SPAG9: variants seen among roughly 807,000 people sequenced by gnomAD.
SPAG9 encodes C-Jun-amino-terminal kinase-interacting protein 4.
SPAG9 carries 35 observed loss-of-function variants against 166.5 expected under a neutral mutation model. That is an observed-to-expected ratio of 0.21 (90% CI 0.16 to 0.28). The LOEUF (loss-of-function observed/expected upper bound fraction) is 0.28, where lower values mean the gene tolerates loss of function less well. Among genes scored for constraint, SPAG9 ranks in the 10% least tolerant of loss-of-function variants. The pLI is 1.00. For missense variants in SPAG9, 1,235 were observed against 1,603.3 expected (o/e 0.77, Z 3.92); for synonymous variants, 534 against 565.5 (o/e 0.94, Z 0.79).
chr17:51,071,113 T>C (rs986740995), intron 2 of SPAG9, among the ~76,000 whole-genome samples: 22 of 152,030 alleles, frequency 1.4e-4, no homozygotes, highest in African/African-American at 5.1e-4. Flanking sequence ...AAGGACCATA[T>C]CATACTCTTG....
At chr17:51,110,293 A>C (rs17573054) in intron 1 of SPAG9, among the ~76,000 whole-genome samples, 10,061 of 152,052 alleles carry the variant, frequency 0.066, 466 homozygotes, top group Non-Finnish European at 0.1. Context: ...ACAAATGACA[A>C]ATGTACTTTC....
At chr17:51,015,205 G>A (rs988351630) in intron 8 of SPAG9, among the ~76,000 whole-genome samples, 1 of 152,160 alleles carries the variant, frequency 6.6e-6, no homozygotes, top group Admixed American at 6.5e-5. Context: ...AGAGAAAGCT[G>A]AAACCTAAGC....
intron 3 of SPAG9, among the ~76,000 whole-genome samples, chr17:51,055,681 T>C (rs994616194): frequency 6.6e-6 from 1 of 152,088 alleles, no homozygotes; most frequent in Admixed American, 6.6e-5. Flanking sequence ...AGAGAGGAAT[T>C]ATTTTTTTCA....
At chr17:51,053,113 A>G (rs1295025362) in intron 3 of SPAG9, among the ~76,000 whole-genome samples, 2 of 151,646 alleles carry the variant, frequency 1.3e-5, no homozygotes, top group African/African-American at 4.8e-5. Flanking sequence ...AATAATTTTC[A>G]ATTATTAAAA....
chr17:51,000,305 C>G (rs538817404), intron 13 of SPAG9, among the ~76,000 whole-genome samples: 6 of 152,328 alleles, frequency 3.9e-5, no homozygotes, highest in African/African-American at 1.4e-4. Flanking sequence ...ATAATCAGAG[C>G]TCTCTTTTCA....
At chr17:51,048,004 C>T (rs193098155) in intron 3 of SPAG9, among the ~76,000 whole-genome samples, 1 of 152,036 alleles carries the variant, frequency 6.6e-6, no homozygotes, top group East Asian at 1.9e-4. Flanking sequence ...TTTCTTCTTT[C>T]GGTATATTTA....
At chr17:51,037,960 C>T (rs938701558) in intron 5 of SPAG9, among the ~76,000 whole-genome samples, 13 of 151,940 alleles carry the variant, frequency 8.6e-5, no homozygotes, top group Non-Finnish European at 1.5e-4. Flanking sequence ...TCCCCCGGTA[C>T]GAAATTCCTG....
At chr17:51,053,898 T>TAA (rs1555650803) in intron 3 of SPAG9, among the ~76,000 whole-genome samples, 136 of 100,104 alleles carry the variant, frequency 1.4e-3, no homozygotes, top group East Asian at 2.2e-3. Context: ...TATATATATA[T>TAA]AAAACATATA....
chr17:51,024,754 G>A (rs1299345194), intron 6 of SPAG9, among the ~76,000 whole-genome samples: 1 of 151,468 alleles, frequency 6.6e-6, no homozygotes, highest in Admixed American at 6.6e-5. Context: ...ATGTATGCCT[G>A]TAATCCCAGC....
At position 51,120,776 on chromosome 17, in the gene SPAG9, C is replaced by G. The variant is rs2049456501; in HGVS notation, c.-120G>C. On this transcript the variant is annotated 5_prime_UTR_variant, in exon 1 of 30. Transcript: ENST00000262013. The surrounding 1 kb of genome is among the most constrained non-coding windows in gnomAD (Gnocchi z 4.7). ...ACTAGGGCTGGAGCCCGGGCCGGGGCTGGGGCTGGGCCCGGCGGGGTGGGG... is the reference window on the plus strand; with the variant it reads ...ACTAGGGCTGGAGCCCGGGCCGGGGGTGGGGCTGGGCCCGGCGGGGTGGGG... 4 of 834,700 alleles carry G rather than the reference C, an allele frequency of 4.8e-6. No homozygotes were observed. The highest frequency in any genetic ancestry group is 1.8e-5 in the African/African-American group (1 of 54,564). The allele number at this position is 834,700 out of a possible 1,614,324, so 51.7% of individuals were successfully genotyped here. A position where few individuals can be genotyped will look rare whatever the true frequency, so the allele number is the denominator to read the frequency against.
At chr17:51,007,951 T>C (rs1178624829) in intron 9 of SPAG9, 1 of 357,224 alleles carries the variant, frequency 2.8e-6, no homozygotes, top group Non-Finnish European at 5.6e-6. Context: ...TAAAGTTTTA[T>C]ACATGATATG....
chr17:51,109,416 T>C (rs2144771775), intron 1 of SPAG9, among the ~76,000 whole-genome samples: 2 of 151,972 alleles, frequency 1.3e-5, no homozygotes, highest in East Asian at 1.9e-4. Context: ...TTTGTATTTT[T>C]AGTAGAGACG....
At chr17:50,994,996 G>T in intron 18 of SPAG9, 61 bp downstream of exon 18, 1 of 1,364,910 alleles carries the variant, frequency 7.3e-7, no homozygotes, top group South Asian at 1.5e-5. Flanking sequence ...GGCAAATTTT[G>T]GATGAAAGAG....
intron 4 of SPAG9, chr17:51,046,991 C>A: frequency 7.6e-7 from 1 of 1,310,596 alleles, no homozygotes; most frequent in African/African-American, 1.5e-5. Flanking sequence ...CACACTCCTA[C>A]ACCAAACAGA....
chr17:51,040,160 G>A (rs1054935979), intron 5 of SPAG9, among the ~76,000 whole-genome samples: 1 of 151,598 alleles, frequency 6.6e-6, no homozygotes, highest in African/African-American at 2.4e-5. Context: ...CTTGAACCCA[G>A]GAGGAGGATG....
chr17:51,079,453 G>C (rs1353149524), intron 2 of SPAG9, 131 bp downstream of exon 2: 1 of 704,956 alleles, frequency 1.4e-6, no homozygotes, highest in Non-Finnish European at 2.3e-6. Flanking sequence ...TGACCAGGCT[G>C]GTCTTGAACT....
At chr17:50,990,319 C>T (rs1217211696) in intron 20 of SPAG9, 131 bp downstream of exon 20, 5 of 757,206 alleles carry the variant, frequency 6.6e-6, no homozygotes, top group East Asian at 2.7e-5. Context: ...TGAGCCACCA[C>T]GCCCGGCCTA....
chr17:51,001,264 G>A (rs2044937590), intron 13 of SPAG9, among the ~76,000 whole-genome samples: 1 of 152,152 alleles, frequency 6.6e-6, no homozygotes, highest in Non-Finnish European at 1.5e-5. Context: ...TGAGATTTAA[G>A]AGCCATCTGA....
intron 9 of SPAG9, among the ~76,000 whole-genome samples, chr17:51,008,134 TAC>T (rs1190599663): frequency 1.3e-5 from 2 of 152,158 alleles, no homozygotes; most frequent in Admixed American, 6.5e-5. Context: ...CAATTAACAA[TAC>T]AAACTTTCCT....
Sources: gnomAD v4.1 joint callset for allele counts (sites outside exome capture counted in the v4.1 genomes callset) on GRCh38, gnomAD v4.1.1 for gene constraint, Gnocchi (gnomAD v3.1) non-coding constraint, MANE v1.5 for transcripts, NCBI Gene and HGNC (gene_info 2026-07-23, HGNC 2026-07-21) for gene names.